MARCO: variants seen among roughly 807,000 people sequenced by gnomAD.
MARCO encodes macrophage receptor with collagenous structure.
In MARCO, 72 loss-of-function variants were observed where a neutral mutation model predicts 70.0. That is an observed-to-expected ratio of 1.03 (90% CI 0.85 to 1.25). The LOEUF (loss-of-function observed/expected upper bound fraction) is 1.25. MARCO is among the 50% of genes most tolerant of loss of function. The pLI, the probability that MARCO is intolerant of heterozygous loss-of-function variation, is 0.00. For missense variants in MARCO, 696 were observed against 659.3 expected, an observed-to-expected ratio of 1.06 and a Z score of -0.61; for synonymous variants, 273 against 243.1, an observed-to-expected ratio of 1.12 and a Z score of -1.14.
intron 1 of MARCO, among the ~76,000 whole-genome samples, chr2:118,943,488 A>AGCCTCTG (rs779306927): frequency 6.6e-6 from 1 of 152,334 alleles, no homozygotes; most frequent in South Asian, 2.1e-4. Context: ...GAATAAACAT[A>AGCCTCTG]GCCTCTGGCC....
intron 12 of MARCO, among the ~76,000 whole-genome samples, chr2:118,986,587 A>G (rs1265631129): frequency 2.3e-4 from 1 of 4,324 alleles, no homozygotes; most frequent in Non-Finnish European, 4.5e-4. Flanking sequence ...GGAAGGAAAG[A>G]AGAAAGAAAG....
chr2:118,951,195 G>A (rs1303953798), intron 1 of MARCO, among the ~76,000 whole-genome samples: 1 of 152,092 alleles, frequency 6.6e-6, no homozygotes, highest in Non-Finnish European at 1.5e-5. Flanking sequence ...CAATCACCTG[G>A]GAGGAACCAT....
chr2:118,978,258 AG>A (rs1216818591), intron 8 of MARCO, among the ~76,000 whole-genome samples: 1 of 152,162 alleles, frequency 6.6e-6, no homozygotes, highest in Non-Finnish European at 1.5e-5. Context: ...ACTGGTGGCA[AG>A]GGCAAGGGGA....
At position 118,942,311 on chromosome 2, in the gene MARCO, A is replaced by C; in HGVS notation, c.11A>C (p.Lys4Thr). Residue 4 changes from lysine (K) to threonine (T), a missense_variant, in exon 1 of 17, where the codon AAG (lysine) becomes ACG (threonine). By Grantham distance (78) the Lys-to-Thr change is moderately conservative. This residue lies in a region of MARCO where 605 missense variants were observed against 537.6 expected (regional missense o/e 1.13). Transcript: ENST00000327097. Reference sequence around the variant, plus strand: ...CTATAAAGCTTGGCAATGAGAAATAAGAAAATTCTCAAGGAGGACGAGCTC... The same window carrying C: ...CTATAAAGCTTGGCAATGAGAAATACGAAAATTCTCAAGGAGGACGAGCTC... MRNKKILKEDELLS... is the reference protein window; with the variant it reads MRNTKILKEDELLS... 1 of 1,612,910 alleles carries C rather than the reference A, an allele frequency of 6.2e-7. No individual in the cohort carries two copies. Among genetic ancestry groups the C allele is most frequent in the Non-Finnish European group, 8.5e-7 (1 of 1,178,994 alleles).
At chr2:118,983,519 T>C (rs942823114) in intron 12 of MARCO, among the ~76,000 whole-genome samples, 14 of 152,214 alleles carry the variant, frequency 9.2e-5, no homozygotes, top group Non-Finnish European at 1.8e-4. Context: ...GTGTTTTTTA[T>C]GGACAGTGTG....
In MARCO at chr2:118,960,242, G is replaced by A. The variant is rs565689671; in HGVS notation, c.98-8918G>A. Among the ~76,000 whole-genome samples, 12 of 152,028 alleles carry A rather than the reference G, an allele frequency of 7.9e-5. 1 individual carries two copies. The highest frequency in any genetic ancestry group is 2.9e-4 in the African/African-American group (12 of 41,498). On this transcript the variant is annotated intron_variant, in intron 1 of 16. Transcript: ENST00000327097. ...TAATTTCTTTCTTTCCAAACTGTAT[G>A]CCTTTTATTTCTTTTTCTTGCCTTA...
At chr2:118,989,588 C>G (rs942541421) in intron 12 of MARCO, among the ~76,000 whole-genome samples, 8 of 152,200 alleles carry the variant, frequency 5.3e-5, no homozygotes, top group Non-Finnish European at 1.2e-4. Context: ...CCTTGCCTCT[C>G]CCTCCACTGA....
At chr2:118,991,930 T>C (rs1253816283) in intron 14 of MARCO, 55 bp downstream of exon 14, 80 of 1,239,860 alleles carry the variant, frequency 6.5e-5, no homozygotes, top group Non-Finnish European at 1.9e-5. Context: ...TACAGCCAGT[T>C]CTGTACCTTA....
intron 1 of MARCO, chr2:118,952,709 T>A (rs1038636800): frequency 6.6e-6 from 1 of 152,232 alleles, no homozygotes; most frequent in African/African-American, 2.4e-5. Flanking sequence ...CTCGGGTTAT[T>A]CCTCGCACCA....
chr2:118,967,566 C>A (rs2104573700), intron 1 of MARCO, among the ~76,000 whole-genome samples: 1 of 152,160 alleles, frequency 6.6e-6, no homozygotes, highest in South Asian at 2.1e-4. Context: ...GGAGACGGGG[C>A]ACTCCATGCT....
intron 8 of MARCO, among the ~76,000 whole-genome samples, chr2:118,978,648 C>G (rs1177656694): frequency 1.3e-5 from 2 of 152,198 alleles, no homozygotes; most frequent in Non-Finnish European, 2.9e-5. Flanking sequence ...TAACGCAATA[C>G]TTCACCCTTC....
intron 1 of MARCO, among the ~76,000 whole-genome samples, chr2:118,945,541 T>G (rs1181174472): frequency 6.6e-6 from 1 of 151,968 alleles, no homozygotes; most frequent in East Asian, 1.9e-4. Context: ...GTCTCCCTAG[T>G]AGCTGGGATT....
intron 1 of MARCO, among the ~76,000 whole-genome samples, chr2:118,950,127 C>T (rs1011696539): frequency 2.6e-5 from 4 of 152,056 alleles, no homozygotes; most frequent in Admixed American, 6.5e-5. Flanking sequence ...GACAGTGCTT[C>T]GTATATGATT....
chr2:118,970,043 A>T, intron 2 of MARCO, 71 bp from the exon 3 acceptor site: 1 of 1,314,344 alleles, frequency 7.6e-7, no homozygotes, highest in East Asian at 2.3e-5. Context: ...TTATGCACAC[A>T]TGACACAAGA....
chr2:118,970,404 A>G lies in MARCO; in HGVS notation c.424+66A>G, dbSNP rs1336015486. On this transcript the variant is annotated intron_variant, in intron 3 of 16. Coordinates refer to ENST00000327097, the MANE Select transcript of MARCO (RefSeq NM_006770.4). The stretch of plus-strand genomic sequence containing the variant: ...GGTCTGGGAGACAGCGGGATCAGGA[A>G]CCAGGAAATTAAGGACCCTGTCCAA... The G allele has an allele frequency of 3.1e-6, 4 of 1,294,458 alleles. No individual in the cohort carries two copies. The African/African-American group carries it at 4.4e-5, about 14-fold the overall frequency. 80.2% of individuals were successfully genotyped at this position (1,294,458 alleles called of 1,614,324 possible).
In MARCO at chr2:118,969,147, G is replaced by T. The variant is rs374490617; in HGVS notation, c.98-13G>T. 1.5e-4 allele frequency: 240 copies of T among 1,593,412 alleles called. 2 individuals are homozygous for T. Among genetic ancestry groups the T allele is most frequent in the South Asian group, 1.3e-3 (116 of 90,648 alleles). ...CTCTGCAGCAGCCTCCTTCCTCCTG[G>T]CTTGTGTTTCAGTTCCAAAGCCCAA... On this transcript the variant is annotated splice_polypyrimidine_tract_variant and intron_variant, in intron 1 of 16. Coordinates refer to ENST00000327097, the MANE Select transcript of MARCO (RefSeq NM_006770.4).
At chr2:118,964,281 T>A (rs531443600) in intron 1 of MARCO, among the ~76,000 whole-genome samples, 1 of 152,228 alleles carries the variant, frequency 6.6e-6, no homozygotes, top group African/African-American at 2.4e-5. Flanking sequence ...AGGAGAAGGA[T>A]GCTGTAGTAT....
chr2:118,974,293 T>C (rs772903153), intron 4 of MARCO, 40 bp from the exon 5 acceptor site: 1 of 1,233,544 alleles, frequency 8.1e-7, no homozygotes. Context: ...TGCCCCATCC[T>C]GTTGACTGAC....
intron 1 of MARCO, among the ~76,000 whole-genome samples, chr2:118,952,409 C>A (rs916786366): frequency 2.0e-5 from 3 of 152,190 alleles, no homozygotes; most frequent in African/African-American, 7.2e-5. Flanking sequence ...AATCCCATGG[C>A]AGGATCCGCC....
Sources: gnomAD v4.1 joint callset for allele counts (sites outside exome capture counted in the v4.1 genomes callset) on GRCh38, gnomAD v4.1.1 for gene constraint, gnomAD v4.1.1 regional missense constraint, MANE v1.5 for transcripts, NCBI Gene and HGNC (gene_info 2026-07-23, HGNC 2026-07-21) for gene names.